SNRPN: variants seen among roughly 807,000 people sequenced by gnomAD.
SNRPN encodes the protein small nuclear ribonucleoprotein polypeptide N.
SNRPN carries 7 observed loss-of-function variants against 25.2 expected under a neutral mutation model. The observed-to-expected ratio is 0.28, with a 90% CI of 0.16 to 0.52. The LOEUF is 0.52. Ranked by LOEUF, SNRPN falls within the 20% of genes least tolerant of loss-of-function variation. The pLI, the probability that SNRPN is intolerant of heterozygous loss-of-function variation, is 0.96. For missense variants in SNRPN, 196 were observed against 322.5 expected (o/e 0.61, Z 3.00); for synonymous variants, 124 against 110.6 (o/e 1.12, Z -0.76).
At chr15:24,827,178 G>A (rs768088732) in intron 1 of SNRPN, among the ~76,000 whole-genome samples, 1 of 152,044 alleles carries the variant, frequency 6.6e-6, no homozygotes, top group African/African-American at 2.4e-5. Context: ...GTGAGTGAAG[G>A]TGAAGGTCTA....
At chr15:24,928,740 T>C (rs2060588136) in intron 3 of SNRPN, among the ~76,000 whole-genome samples, 1 of 151,968 alleles carries the variant, frequency 6.6e-6, no homozygotes, top group Non-Finnish European at 1.5e-5. Flanking sequence ...GCTTCTGGAG[T>C]AGCTACAGGC....
rs994340059 is a variant in SNRPN, at chr15:24,974,347, A to G, written c.-107A>G. Reference sequence around the variant, plus strand: ...TCTTTGAAGCTTCTGCCCAGCTTGCATTGTTTCTAGGAGAACCTGCGTCAT... The same window carrying G: ...TCTTTGAAGCTTCTGCCCAGCTTGCGTTGTTTCTAGGAGAACCTGCGTCAT... On this transcript the variant is annotated 5_prime_UTR_variant, in exon 4 of 10. Coordinates refer to ENST00000390687, the MANE Select transcript of SNRPN (RefSeq NM_003097.6). The G allele has an allele frequency of 8.7e-6, 9 of 1,028,780 alleles. No homozygotes were observed. Among genetic ancestry groups the G allele is most frequent in the African/African-American group, 4.7e-5 (3 of 63,218 alleles). The allele number at this position is 1,028,780 out of a possible 1,614,324, so 63.7% of individuals were successfully genotyped here. A position where few individuals can be genotyped will look rare whatever the true frequency, so the allele number is the denominator to read the frequency against.
intron 3 of SNRPN, among the ~76,000 whole-genome samples, chr15:24,941,414 C>T (rs1368825573): frequency 6.6e-6 from 1 of 152,212 alleles, no homozygotes; most frequent in Non-Finnish European, 1.5e-5. Flanking sequence ...CCTTTGTCTA[C>T]TACTCATTAT....
intron 3 of SNRPN, among the ~76,000 whole-genome samples, chr15:24,940,115 A>G (rs1172553352): frequency 1.3e-5 from 2 of 152,138 alleles, no homozygotes; most frequent in Non-Finnish European, 2.9e-5. Flanking sequence ...TATTCGGACT[A>G]TTAACATCTT....
intron 1 of SNRPN, among the ~76,000 whole-genome samples, chr15:24,824,804 C>CT (rs34720359): frequency 0.54 from 81,609 of 151,714 alleles, 22,517 homozygotes; most frequent in East Asian, 0.81. Flanking sequence ...ATTCCTCACC[C>CT]TAGGTTAAAC....
At chr15:24,967,344 A>G (rs2075786365) in intron 2 of SNRPN, 1 of 155,136 alleles carries the variant, frequency 6.4e-6, no homozygotes. Flanking sequence ...CTGACCCTAA[A>G]GAAAGATCTT....
intron 3 of SNRPN, among the ~76,000 whole-genome samples, chr15:24,937,673 G>A (rs61999151): frequency 6.6e-6 from 1 of 152,166 alleles, no homozygotes; most frequent in Non-Finnish European, 1.5e-5. Context: ...GGCACTAAGT[G>A]CATTCACATT....
At chr15:24,950,885 G>A (rs558287013), upstream of SNRPN, among the ~76,000 whole-genome samples, 5 of 148,822 alleles carry the variant, frequency 3.4e-5, no homozygotes, top group African/African-American at 1.2e-4. Context: ...AATTTGAAAC[G>A]GAGTCCTGCT....
intron 3 of SNRPN, among the ~76,000 whole-genome samples, chr15:24,947,853 G>A (rs1179986652): frequency 6.6e-6 from 1 of 152,000 alleles, no homozygotes; most frequent in African/African-American, 2.4e-5. Context: ...TTCTCAATAA[G>A]TTAGGGGGCG....
At chr15:24,851,358 T>G (rs1275285903) in intron 2 of SNRPN, 3 of 152,202 alleles carry the variant, frequency 2.0e-5, no homozygotes, top group Admixed American at 6.5e-5. Context: ...AGCACAGGCA[T>G]CAGACCTGAA....
At chr15:24,972,390 A>T (rs959036724) in intron 3 of SNRPN, among the ~76,000 whole-genome samples, 1 of 152,128 alleles carries the variant, frequency 6.6e-6, no homozygotes, top group African/African-American at 2.4e-5. Context: ...ACTCATATTT[A>T]GGACAGAAAC....
intron 1 of SNRPN, among the ~76,000 whole-genome samples, chr15:24,858,342 C>G (rs1032645896): frequency 6.6e-6 from 1 of 152,074 alleles, no homozygotes; most frequent in African/African-American, 2.4e-5. Context: ...AAGATGGAGT[C>G]AGTTAGGTCA....
At chr15:24,978,111 T>G (rs937392069) in intron 8 of SNRPN, 82 bp from the exon 9 acceptor site, 93 of 1,434,224 alleles carry the variant, frequency 6.5e-5, no homozygotes, top group Non-Finnish European at 8.4e-5. Context: ...TCTGGCCCAT[T>G]TCTTTAGGGA....
intron 4 of SNRPN, chr15:24,974,899 GT>G (rs2076889504): frequency 4.3e-6 from 3 of 702,646 alleles, no homozygotes; most frequent in Non-Finnish European, 7.8e-6. Context: ...AAATACAGGA[GT>G]TTTTGGTCAT....
chr15:24,931,297 TAAAG>T (rs1276653324), intron 3 of SNRPN, among the ~76,000 whole-genome samples: 13 of 152,170 alleles, frequency 8.5e-5, no homozygotes, highest in Admixed American at 5.9e-4. Context: ...TTAATTATGT[TAAAG>T]AAAAACAAAA....
At chr15:24,922,807 T>C (rs957281066) in intron 3 of SNRPN, among the ~76,000 whole-genome samples, 1 of 151,062 alleles carries the variant, frequency 6.6e-6, no homozygotes, top group Non-Finnish European at 1.5e-5. Context: ...TGTGTATGTA[T>C]ACAGAGTGTA....
chr15:24,831,087 C>T (rs570638729), intron 2 of SNRPN, among the ~76,000 whole-genome samples: 6 of 152,078 alleles, frequency 3.9e-5, no homozygotes, highest in African/African-American at 1.4e-4. Flanking sequence ...CAGTTTCTGC[C>T]TCACGTAGAC....
chr15:24,899,720 T>C (rs2058329787), intron 2 of SNRPN, among the ~76,000 whole-genome samples: 1 of 152,152 alleles, frequency 6.6e-6, no homozygotes, highest in Admixed American at 6.5e-5. Context: ...GGCACCTAAG[T>C]GGGAAGATTT....
At chr15:24,831,994 A>G (rs189798299) in intron 2 of SNRPN, among the ~76,000 whole-genome samples, 83 of 151,964 alleles carry the variant, frequency 5.5e-4, no homozygotes, top group Non-Finnish European at 9.3e-4. Context: ...GGCAGATTTT[A>G]TTACCTTTGG....
Sources: allele counts gnomAD v4.1 joint callset (sites outside exome capture counted in the v4.1 genomes callset), GRCh38; gene constraint gnomAD v4.1.1; transcripts MANE v1.5; gene names NCBI Gene and HGNC (gene_info 2026-07-23, HGNC 2026-07-21).